Variants in SLC30A7 observed in about 807,000 individuals in gnomAD.
The protein encoded by SLC30A7 is solute carrier family 30 member 7.
In SLC30A7, 35 loss-of-function variants were observed where a neutral mutation model predicts 46.0. That is an observed-to-expected ratio of 0.76 (90% CI 0.58 to 1.01). The LOEUF is 1.01. Among genes scored for constraint, SLC30A7 ranks in the 50% least tolerant of loss-of-function variants. The pLI, the probability that SLC30A7 is intolerant of heterozygous loss-of-function variation, is 0.00. For synonymous variants in SLC30A7, 147 were observed against 157.8 expected (o/e 0.93, Z 0.51); for missense variants, 464 against 451.1 (o/e 1.03, Z -0.26).
intron 2 of SLC30A7, among the ~76,000 whole-genome samples, chr1:100,900,898 T>G (rs1651265545): frequency 6.6e-6 from 1 of 152,196 alleles, no homozygotes; most frequent in Non-Finnish European, 1.5e-5. Context: ...TTTTAAACAA[T>G]TTTTTATCAC....
intron 2 of SLC30A7, among the ~76,000 whole-genome samples, chr1:100,906,132 AT>A (rs1230194340): frequency 6.6e-6 from 1 of 151,980 alleles, no homozygotes; most frequent in Non-Finnish European, 1.5e-5. Flanking sequence ...CAGTCTTTGA[AT>A]TTTTCAGTGG....
In SLC30A7 at chr1:100,980,662, G is replaced by C. The variant is rs1362729545; in HGVS notation, c.*5805G>C. On this transcript the variant is annotated 3_prime_UTR_variant, in exon 11 of 11. Transcript: ENST00000357650. ...AATAAATGACTATATATTCACCTTG[G>C]CCATTTTTTTTTTTAAGTAGCCCTA... The C allele has an allele frequency of 6.6e-6, 1 of 151,548 alleles. No homozygotes were observed. The highest frequency in any genetic ancestry group is 1.5e-5 in the Non-Finnish European group (1 of 67,838). The allele number at this position is 151,548 out of a possible 1,614,324, so 9.4% of individuals were successfully genotyped here. A position where few individuals can be genotyped will look rare whatever the true frequency, so the allele number is the denominator to read the frequency against.
intron 8 of SLC30A7, among the ~76,000 whole-genome samples, chr1:100,946,008 G>C (rs1187336062): frequency 6.6e-6 from 1 of 152,172 alleles, no homozygotes; most frequent in African/African-American, 2.4e-5. Flanking sequence ...CACATCCCCT[G>C]TAAGTTGGAT....
the SLC30A7 span, chr1:100,989,831 T>A: frequency 6.5e-6 from 1 of 152,688 alleles, no homozygotes; most frequent in African/African-American, 2.4e-5. Flanking sequence ...TCCAGCCTGG[T>A]CTGCTTTATG....
downstream of SLC30A7, among the ~76,000 whole-genome samples, chr1:100,986,276 G>A (rs1657263592): frequency 6.6e-6 from 1 of 152,134 alleles, no homozygotes; most frequent in Admixed American, 6.5e-5. Context: ...GGGCGTGGTG[G>A]TGCATGCCTG....
intron 8 of SLC30A7, among the ~76,000 whole-genome samples, chr1:100,954,067 A>G (rs1655098448): frequency 6.6e-6 from 1 of 152,244 alleles, no homozygotes. Flanking sequence ...AGATGTCAGT[A>G]ATCTGCCATT....
intron 7 of SLC30A7, among the ~76,000 whole-genome samples, chr1:100,918,575 G>A (rs942152621): frequency 1.2e-4 from 19 of 152,240 alleles, no homozygotes; most frequent in Non-Finnish European, 1.9e-4. Context: ...TAATAAACCC[G>A]TGGTAAATTG....
rs1656536796 is a variant in SLC30A7 at position 100,976,695 on chromosome 1, CCT to C, written c.*1839_*1840del. On this transcript the variant is annotated 3_prime_UTR_variant, in exon 11 of 11. Coordinates refer to ENST00000357650, the MANE Select transcript of SLC30A7 (RefSeq NM_133496.5). ...ACTTTTTAGTGATGTGGCAGAAATC[CCT>C]GTTGATTCTAAGTTTTAGAGTGTCT... The C allele has an allele frequency of 6.6e-6, 1 of 152,376 alleles. No homozygotes were observed. The highest frequency in any genetic ancestry group is 1.9e-4 in the East Asian group (1 of 5,194). 9.4% of individuals were successfully genotyped at this position (152,376 alleles called of 1,614,324 possible). A position where few individuals can be genotyped will look rare whatever the true frequency, so the allele number is the denominator to read the frequency against.
intron 2 of SLC30A7, among the ~76,000 whole-genome samples, chr1:100,900,361 C>A (rs530769963): frequency 6.6e-6 from 1 of 152,254 alleles, no homozygotes; most frequent in African/African-American, 2.4e-5. Flanking sequence ...TAAGACAATA[C>A]CAGACATTTA....
intron 8 of SLC30A7, among the ~76,000 whole-genome samples, chr1:100,961,275 T>G (rs1655536741): frequency 6.6e-6 from 1 of 152,150 alleles, no homozygotes. Flanking sequence ...TTGTGTACAT[T>G]TAATCATCCA....
At chr1:100,920,964 G>A (rs1250059045) in intron 7 of SLC30A7, among the ~76,000 whole-genome samples, 1 of 151,984 alleles carries the variant, frequency 6.6e-6, no homozygotes, top group Non-Finnish European at 1.5e-5. Context: ...AGAAAGTATT[G>A]TACATAAATC....
At chr1:100,990,180 G>C in the SLC30A7 span, 4 of 524,818 alleles carry the variant, frequency 7.6e-6, no homozygotes, top group Non-Finnish European at 1.4e-5. Flanking sequence ...GTGAGAATGA[G>C]AGCCAGTAGG....
intron 10 of SLC30A7, among the ~76,000 whole-genome samples, chr1:100,968,836 G>A (rs545829127): frequency 6.6e-6 from 1 of 152,276 alleles, no homozygotes; most frequent in South Asian, 2.1e-4. Flanking sequence ...ATGTATATGT[G>A]TATAATGAAT....
At chr1:100,986,902 A>G in the SLC30A7 span, among the ~76,000 whole-genome samples, 5 of 151,730 alleles carry the variant, frequency 3.3e-5, no homozygotes, top group Non-Finnish European at 7.3e-5. Context: ...AGAGCTAAAC[A>G]CTATTAAATA....
intron 10 of SLC30A7, among the ~76,000 whole-genome samples, chr1:100,972,061 A>G (rs533374021): frequency 1.3e-5 from 2 of 152,262 alleles, no homozygotes; most frequent in South Asian, 2.1e-4. Context: ...TGCAGTGAGT[A>G]CTATATGGTT....
chr1:100,938,462 A>C (rs1654119998), intron 8 of SLC30A7, among the ~76,000 whole-genome samples: 1 of 152,230 alleles, frequency 6.6e-6, no homozygotes, highest in Non-Finnish European at 1.5e-5. Context: ...ACTAGACTGA[A>C]GAATTGCCAT....
intron 8 of SLC30A7, among the ~76,000 whole-genome samples, chr1:100,952,135 A>G (rs894680929): frequency 6.6e-6 from 1 of 152,202 alleles, no homozygotes; most frequent in African/African-American, 2.4e-5. Flanking sequence ...TTTTAGCCCA[A>G]TGGAACGTAT....
rs1274805321 is a variant in SLC30A7 at position 100,921,348 on chromosome 1, C to T, written c.707-358C>T. On this transcript the variant is annotated intron_variant, in intron 7 of 10. Transcript: ENST00000357650. ...TGTTTTCTTGACCAGTTCTTTTAGC[C>T]TAATGCAATTTCCATCCCATAACAA... Among the ~76,000 whole-genome samples, 5 of 152,118 alleles carry T rather than the reference C, an allele frequency of 3.3e-5. No homozygotes were observed. The East Asian group carries it at 9.6e-4, about 29-fold the overall frequency.
At chr1:100,988,655 G>T in the SLC30A7 span, among the ~76,000 whole-genome samples, 8 of 151,580 alleles carry the variant, frequency 5.3e-5, no homozygotes, top group Non-Finnish European at 1.2e-4. Flanking sequence ...AGACCAGCCT[G>T]GCCAACATGG....
Sources: gnomAD v4.1 joint callset for allele counts (sites outside exome capture counted in the v4.1 genomes callset) on GRCh38, gnomAD v4.1.1 for gene constraint, MANE v1.5 for transcripts, NCBI Gene and HGNC (gene_info 2026-07-23, HGNC 2026-07-21) for gene names.